Variants in PCSK1 observed in about 807,000 individuals in gnomAD.
PCSK1 encodes the protein neuroendocrine convertase 1.
Under a neutral mutation model 90.6 loss-of-function variants are expected in PCSK1, and 56 were observed. That is an observed-to-expected ratio of 0.62 (90% CI 0.50 to 0.77). The LOEUF (loss-of-function observed/expected upper bound fraction) is 0.77, where lower values mean the gene tolerates loss of function less well. Ranked by LOEUF, PCSK1 falls within the 30% of genes least tolerant of loss-of-function variation. PCSK1 has a pLI of 0.00. For missense variants in PCSK1, 801 were observed against 932.6 expected (o/e 0.86, Z 1.84); for synonymous variants, 348 against 342.4 (o/e 1.02, Z -0.18).
chr5:96,425,963 G>C, intron 2 of PCSK1, 33 bp from the exon 3 acceptor site: 1 of 1,222,330 alleles, frequency 8.2e-7, no homozygotes, highest in Admixed American at 1.7e-5. Flanking sequence ...AAAATCAAAA[G>C]TCAAATATCT....
At position 96,408,277 on chromosome 5, in the gene PCSK1, G is replaced by A. The variant is rs1346360455; in HGVS notation, c.1142C>T (p.Thr381Ile). 1 of 1,614,144 alleles carries A rather than the reference G, an allele frequency of 6.2e-7. No individual in the cohort carries two copies. Among genetic ancestry groups the A allele is most frequent in the South Asian group, 1.1e-5 (1 of 91,076 alleles). The change falls in exon 9 of 14, where the codon ACC (threonine) becomes ATC (isoleucine). Residue 381 changes from threonine (T) to isoleucine (I), a missense_variant. Physicochemically the swap from Thr to Ile is moderately conservative, Grantham distance 89 (BLOSUM62 -1). Coordinates refer to ENST00000311106, the MANE Select transcript of PCSK1 (RefSeq NM_000439.5). ...HNDCTETHTG[T>I]SASAPLAAGI... ...AGCAGCCAGAGGTGCAGAGGCCGAG[G>A]TGCCTGTGTGCGTCTCCGTGCAGTC...
intron 13 of PCSK1, among the ~76,000 whole-genome samples, chr5:96,394,604 CTGTCA>C (rs1160021619): frequency 6.6e-6 from 1 of 152,084 alleles, no homozygotes; most frequent in Non-Finnish European, 1.5e-5. Flanking sequence ...CATTTGTTAT[CTGTCA>C]TAAGTGGAGA....
intron 1 of PCSK1, chr5:96,432,205 C>A (rs892373960): frequency 2.1e-5 from 28 of 1,320,672 alleles, no homozygotes; most frequent in Non-Finnish European, 2.9e-5. Context: ...CAGTGAAAAG[C>A]CGGAGCTCCC....
At chr5:96,413,396 A>G (rs1250582912) in intron 6 of PCSK1, among the ~76,000 whole-genome samples, 1 of 152,254 alleles carries the variant, frequency 6.6e-6, no homozygotes, top group Non-Finnish European at 1.5e-5. Flanking sequence ...ATAATACAAT[A>G]AAGTGCACAG....
In PCSK1 at chr5:96,410,857, C is replaced by T; in HGVS notation, c.1012G>A (p.Gly338Ser). Residue 338 changes from glycine (G) to serine (S), a missense_variant, in exon 8 of 14, where the codon GGC (glycine) becomes AGC (serine). Coordinates refer to ENST00000311106, the MANE Select transcript of PCSK1 (RefSeq NM_000439.5). ...TTCTCAGCGTACCAGGGGGATAGGC[C>T]TTGCTGGGAGGCACTGCTGATGGAG... ...TISISSASQQ[G>S]LSPWYAEKCS... The T allele has an allele frequency of 6.2e-7, 1 of 1,614,104 alleles. No homozygotes were observed.
chr5:96,399,617 A>G (rs1356984911), intron 10 of PCSK1, among the ~76,000 whole-genome samples: 3 of 152,210 alleles, frequency 2.0e-5, no homozygotes, highest in African/African-American at 7.2e-5. Flanking sequence ...CAACCCTAAG[A>G]TGCATTTTAA....
At chr5:96,401,250 G>C (rs867586194) in intron 9 of PCSK1, among the ~76,000 whole-genome samples, 1 of 152,182 alleles carries the variant, frequency 6.6e-6, no homozygotes, top group Non-Finnish European at 1.5e-5. Context: ...AAAACTTTGT[G>C]GGGGAGAAAT....
rs1467210618 is a variant in PCSK1 at position 96,397,467 on chromosome 5, T to C, written c.1591A>G (p.Thr531Ala). 1.2e-6 allele frequency: 2 copies of C among 1,612,664 alleles called. No individual in the cohort carries two copies. Among genetic ancestry groups the C allele is most frequent in the South Asian group, 1.1e-5 (1 of 91,050 alleles). The change falls in exon 12 of 14, where the codon ACT (threonine) becomes GCT (alanine). Residue 531 changes from threonine (T) to alanine (A), a missense_variant and splice_region_variant. Thr to Ala is a moderately conservative substitution (Grantham distance 58). Coordinates refer to ENST00000311106, the MANE Select transcript of PCSK1 (RefSeq NM_000439.5). ...LHVTLTSAAGTSTVLLAERER... is the reference protein window; with the variant it reads ...LHVTLTSAAGASTVLLAERER... ...CTTTCAGCCAAGAGCACAGTGCTAG[T>C]TCCTATGAAACAAATACAAGTTAAT...
intron 3 of PCSK1, among the ~76,000 whole-genome samples, chr5:96,424,460 G>A (rs1437608299): frequency 3.9e-5 from 6 of 152,156 alleles, no homozygotes; most frequent in Non-Finnish European, 8.8e-5. Context: ...ACCACTAGCA[G>A]CCATGGATTT....
chr5:96,421,809 G>A, intron 5 of PCSK1, 71 bp downstream of exon 5: 1 of 845,250 alleles, frequency 1.2e-6, no homozygotes, highest in Non-Finnish European at 2.1e-6. Flanking sequence ...TGAAATATAT[G>A]GTATAATTTT....
chr5:96,415,975 T>G, intron 6 of PCSK1, 58 bp downstream of exon 6: 1 of 1,043,808 alleles, frequency 9.6e-7, no homozygotes, highest in Non-Finnish European at 1.5e-6. Context: ...CCATTTACAA[T>G]GGGTGATGTA....
intron 5 of PCSK1, among the ~76,000 whole-genome samples, chr5:96,417,365 C>A (rs1286796363): frequency 6.6e-6 from 1 of 152,088 alleles, no homozygotes; most frequent in Non-Finnish European, 1.5e-5. Flanking sequence ...CAGCAAACAC[C>A]TGCTTCTTTT....
intron 13 of PCSK1, among the ~76,000 whole-genome samples, chr5:96,394,614 T>C (rs1324412540): frequency 6.6e-6 from 1 of 152,196 alleles, no homozygotes; most frequent in East Asian, 1.9e-4. Flanking sequence ...CTGTCATAAG[T>C]GGAGAAAATT....
intron 8 of PCSK1, among the ~76,000 whole-genome samples, chr5:96,410,370 A>G (rs562321117): frequency 2.6e-5 from 4 of 152,088 alleles, no homozygotes; most frequent in Non-Finnish European, 5.9e-5. Flanking sequence ...CATCTGCGAC[A>G]GGGCAGGTCA....
At position 96,416,108 on chromosome 5, in the gene PCSK1, A is replaced by G. The variant is rs1475050973; in HGVS notation, c.634T>C (p.Cys212Arg). 1.2e-6 allele frequency: 2 copies of G among 1,610,332 alleles called. No individual in the cohort carries two copies. The highest frequency in any genetic ancestry group is 1.7e-6 in the Non-Finnish European group (2 of 1,176,528). The part of the protein sequence containing the change: ...PTNENKHGTR[C>R]AGEIAMQANN... ...GCTTGCATGGCAATTTCTCCTGCAC[A>G]TCTGGTCCCGTGTCTGAGGATTGAA... Residue 212 changes from cysteine (C) to arginine (R), a missense_variant, in exon 6 of 14, where the codon TGT becomes CGT. Coordinates refer to ENST00000311106, the MANE Select transcript of PCSK1 (RefSeq NM_000439.5).
chr5:96,410,465 C>G (rs186953014), intron 8 of PCSK1, among the ~76,000 whole-genome samples: 1 of 152,044 alleles, frequency 6.6e-6, no homozygotes, highest in East Asian at 1.9e-4. Context: ...AGGCTGTTTC[C>G]AGGGAGGCAT....
rs1759956055 is a variant in PCSK1 at position 96,391,873 on chromosome 5, A to G, written c.*1128T>C. 2 of 152,384 alleles carry G rather than the reference A, an allele frequency of 1.3e-5. No individual in the cohort carries two copies. Among genetic ancestry groups the G allele is most frequent in the South Asian group, 4.1e-4 (2 of 4,830 alleles). 9.4% of individuals were successfully genotyped at this position (152,384 alleles called of 1,614,324 possible). A position where few individuals can be genotyped will look rare whatever the true frequency, so the allele number is the denominator to read the frequency against. The stretch of plus-strand genomic sequence containing the variant: ...TCTACCTGAGGGACAATTAAGGTCC[A>G]TGGCCTGCCAGTTTCTGCTTCTGAT... On this transcript the variant is annotated 3_prime_UTR_variant, in exon 14 of 14. Transcript: ENST00000311106.
chr5:96,407,326 C>A (rs996751230), intron 9 of PCSK1, among the ~76,000 whole-genome samples: 1 of 152,084 alleles, frequency 6.6e-6, no homozygotes, highest in Non-Finnish European at 1.5e-5. Context: ...CCCCAGAAGA[C>A]AAAGAGCTGA....
At chr5:96,432,202 A>AAGCC in intron 1 of PCSK1, 2 of 1,352,984 alleles carry the variant, frequency 1.5e-6, no homozygotes, top group Non-Finnish European at 1.0e-6. Flanking sequence ...TCCCAGTGAA[A>AAGCC]AGCCGGAGCT....
Sources: gnomAD v4.1 joint callset for allele counts (sites outside exome capture counted in the v4.1 genomes callset) on GRCh38, gnomAD v4.1.1 for gene constraint, MANE v1.5 for transcripts, NCBI Gene and HGNC (gene_info 2026-07-23, HGNC 2026-07-21) for gene names.